The following HEG1 variants were observed in gnomAD, a reference collection of about 807,000 sequenced individuals.
The protein encoded by HEG1 is protein HEG homolog 1.
HEG1 carries 56 observed loss-of-function variants against 125.6 expected under a neutral mutation model. The ratio of observed to expected loss-of-function variants is 0.45; its 90% confidence interval spans 0.36 to 0.56. The LOEUF is 0.56. Ranked by LOEUF, HEG1 falls within the 20% of genes least tolerant of loss-of-function variation. The probability of loss-of-function intolerance (pLI) is 0.00; values close to 1 mark genes in which losing one functional copy is unlikely to be tolerated. For missense variants in HEG1, 1,523 were observed against 1,670.0 expected (o/e 0.91, Z 1.53); for synonymous variants, 644 against 668.5 (o/e 0.96, Z 0.57).
chr3:124,983,529 C>A (rs1484220397), intron 14 of HEG1, among the ~76,000 whole-genome samples: 2 of 148,388 alleles, frequency 1.3e-5, no homozygotes, highest in Admixed American at 6.8e-5. Flanking sequence ...GAGATGAGGT[C>A]TCGCTATGTT....
At chr3:125,002,118 G>A in intron 10 of HEG1, 106 bp from the exon 11 acceptor site, 1 of 1,520,536 alleles carries the variant, frequency 6.6e-7, no homozygotes, top group East Asian at 2.3e-5. Flanking sequence ...GGATGGGAGA[G>A]CATGAAGGTC....
chr3:125,007,727 T>C (rs1446615387), intron 8 of HEG1, among the ~76,000 whole-genome samples: 1 of 152,164 alleles, frequency 6.6e-6, no homozygotes, highest in African/African-American at 2.4e-5. Context: ...CCATGTGCTA[T>C]AGGTGGTGGC....
Position 124,994,798 on chromosome 3 carries a change from C to T in HEG1, c.3652+2891G>A, listed in dbSNP as rs535516158. Among the ~76,000 whole-genome samples, 9 of 152,354 alleles carry T rather than the reference C, an allele frequency of 5.9e-5. No individual in the cohort carries two copies. In the East Asian group the frequency reaches 9.6e-4, roughly 16 times the overall value. On this transcript the variant is annotated intron_variant, in intron 12 of 16. Coordinates refer to ENST00000311127, the MANE Select transcript of HEG1 (RefSeq NM_020733.2). Reference sequence around the variant, plus strand: ...GGATTATAGGCGTGAGCCACTGTGCCCAGCTGACAGTGGCATCTTAAAAAC... The same window carrying T: ...GGATTATAGGCGTGAGCCACTGTGCTCAGCTGACAGTGGCATCTTAAAAAC...
intron 1 of HEG1, among the ~76,000 whole-genome samples, chr3:125,037,472 C>T (rs1937558832): frequency 6.6e-6 from 1 of 152,226 alleles, no homozygotes; most frequent in South Asian, 2.1e-4. Context: ...ATGTGAGTGG[C>T]TTTTGATGGC....
chr3:124,973,359 T>TA (rs1379280529), intron 16 of HEG1, among the ~76,000 whole-genome samples: 1 of 152,112 alleles, frequency 6.6e-6, no homozygotes, highest in Non-Finnish European at 1.5e-5. Context: ...TTTAAGTACC[T>TA]AACCACACAA....
intron 14 of HEG1, among the ~76,000 whole-genome samples, chr3:124,979,123 T>TTTA (rs1936605876): frequency 6.6e-6 from 1 of 151,952 alleles, no homozygotes; most frequent in Non-Finnish European, 1.5e-5. Flanking sequence ...CTAATTTTTT[T>TTTA]GTGTTTTTAG....
chr3:124,995,539 TC>T (rs1243253709), intron 12 of HEG1, among the ~76,000 whole-genome samples: 13 of 152,178 alleles, frequency 8.5e-5, no homozygotes, highest in Admixed American at 3.9e-4. Context: ...AAACACACAC[TC>T]CTCTATCCTC....
At chr3:124,988,557 T>C (rs1936781167) in intron 14 of HEG1, among the ~76,000 whole-genome samples, 1 of 152,148 alleles carries the variant, frequency 6.6e-6, no homozygotes, top group Non-Finnish European at 1.5e-5. Flanking sequence ...CCCCACAGTG[T>C]CCTCTGGGAC....
intron 1 of HEG1, among the ~76,000 whole-genome samples, chr3:125,050,166 T>A (rs28703271): frequency 0.086 from 12,452 of 144,028 alleles, 599 homozygotes; most frequent in Non-Finnish European, 0.11. Context: ...TTTTTTGAGA[T>A]GAAGTCTCAC....
At chr3:125,022,206 G>A (rs1937345348) in intron 3 of HEG1, among the ~76,000 whole-genome samples, 2 of 152,204 alleles carry the variant, frequency 1.3e-5, no homozygotes, top group Non-Finnish European at 2.9e-5. Context: ...CACAAAAAGA[G>A]AGTGTTTTTC....
chr3:124,991,084 C>A (rs1176810371), intron 12 of HEG1, 98 bp from the exon 13 acceptor site: 1 of 877,828 alleles, frequency 1.1e-6, no homozygotes, highest in Non-Finnish European at 1.8e-6. Flanking sequence ...CAAGATTATT[C>A]TAGTACCAGA....
intron 1 of HEG1, among the ~76,000 whole-genome samples, chr3:125,051,885 G>A (rs1293518677): frequency 2.0e-5 from 3 of 152,160 alleles, no homozygotes; most frequent in Non-Finnish European, 4.4e-5. Flanking sequence ...GGGGCTGCTG[G>A]AAGGCAGGAG....
intron 4 of HEG1, 144 bp downstream of exon 4, chr3:125,020,648 A>T: frequency 3.0e-6 from 2 of 656,432 alleles, no homozygotes; most frequent in East Asian, 2.7e-5. Context: ...CAATGTTCTC[A>T]TAAGAGTGAC....
chr3:125,010,939 C>G (rs1937149357), intron 6 of HEG1, among the ~76,000 whole-genome samples: 1 of 152,214 alleles, frequency 6.6e-6, no homozygotes, highest in Non-Finnish European at 1.5e-5. Flanking sequence ...TCAACTCATT[C>G]CCCCGCTAGA....
Position 125,002,026 on chromosome 3 carries a change from T to A in HEG1, c.3357-14A>T. 1.2e-6 allele frequency: 2 copies of A among 1,613,668 alleles called. No homozygotes were observed. Among genetic ancestry groups the A allele is most frequent in the Non-Finnish European group, 1.7e-6 (2 of 1,179,754 alleles). On this transcript the variant is annotated splice_polypyrimidine_tract_variant and intron_variant, in intron 10 of 16. Transcript: ENST00000311127. Reference sequence around the variant, plus strand: ...GCGTTGGACTCCCTATAGGCAAAGTTTGTGGGTTTTTAACAGCCCTGAAAT... The same window carrying A: ...GCGTTGGACTCCCTATAGGCAAAGTATGTGGGTTTTTAACAGCCCTGAAAT...
Position 124,990,986 on chromosome 3 carries a change from G to C in HEG1, c.3653C>G (p.Ala1218Gly). ...TTCAAGCCTATATCCATCTTCACAT[G>C]CTGAAAGACAAAAGGAAAATGCATG... ...QFNKMDHSCRACEDGYRLENE... is the reference protein window; with the variant it reads ...QFNKMDHSCRGCEDGYRLENE... Residue 1218 changes from alanine to glycine, a missense_variant and splice_region_variant, in exon 13 of 17, where the codon GCA becomes GGA. Transcript: ENST00000311127. 6.4e-7 allele frequency: 1 copy of C among 1,556,350 alleles called. No individual in the cohort carries two copies. The highest frequency in any genetic ancestry group is 8.7e-7 in the Non-Finnish European group (1 of 1,148,656).
chr3:124,986,076 C>T (rs938287329), intron 14 of HEG1, among the ~76,000 whole-genome samples: 2 of 152,224 alleles, frequency 1.3e-5, no homozygotes, highest in Non-Finnish European at 2.9e-5. Flanking sequence ...CTGTGCCTTG[C>T]CCTTTCCAGT....
intron 14 of HEG1, among the ~76,000 whole-genome samples, chr3:124,987,523 C>CTTTTTTTT (rs1204657705): frequency 1.0e-4 from 14 of 136,170 alleles, no homozygotes; most frequent in Non-Finnish European, 1.6e-4. Flanking sequence ...TTCTTTTTTT[C>CTTTTTTTT]TTTTTTTTTT....
intron 14 of HEG1, among the ~76,000 whole-genome samples, chr3:124,986,412 T>C (rs1936742929): frequency 2.0e-5 from 3 of 152,072 alleles, no homozygotes; most frequent in Admixed American, 6.6e-5. Flanking sequence ...CACAAAACGT[T>C]GAGTGATGAG....
Sources: gnomAD v4.1 joint callset for allele counts (sites outside exome capture counted in the v4.1 genomes callset) on GRCh38, gnomAD v4.1.1 for gene constraint, MANE v1.5 for transcripts, NCBI Gene and HGNC (gene_info 2026-07-23, HGNC 2026-07-21) for gene names.